The following MANBA variants were observed in gnomAD, a reference collection of about 807,000 sequenced individuals.
MANBA encodes mannosidase beta, also known as beta-mannosidase.
In MANBA, 83 loss-of-function variants were observed where a neutral mutation model predicts 111.1. The ratio of observed to expected loss-of-function variants is 0.75; its 90% CI spans 0.63 to 0.90. The LOEUF is 0.90. Ranked by LOEUF, MANBA falls within the 40% of genes least tolerant of loss-of-function variation. MANBA has a pLI of 0.00. For missense variants in MANBA, 1,036 were observed against 1,069.0 expected (o/e 0.97, Z 0.43); for synonymous variants, 370 against 378.7 (o/e 0.98, Z 0.27).
At chr4:102,655,372 A>C (rs573733051) in intron 12 of MANBA, among the ~76,000 whole-genome samples, 5 of 152,364 alleles carry the variant, frequency 3.3e-5, no homozygotes, top group African/African-American at 1.2e-4. Context: ...AATCTTGAAA[A>C]AAAGAACAAA....
rs1248667392 is a variant in MANBA, at chr4:102,727,571, A to G, written c.178-888T>C. 43 of 1,606,094 alleles carry G rather than the reference A, an allele frequency of 2.7e-5. No homozygotes were observed. The Middle Eastern group carries it at 1.2e-3, about 44-fold the overall frequency. ...ATTTCAAACTGATCACCTGGGGACG[A>G]GAGCAATGGGTAATTGAAGCTTTTG... is the stretch of plus-strand genomic sequence containing the variant. On this transcript the variant is annotated intron_variant, in intron 1 of 16. Coordinates refer to ENST00000647097, the MANE Select transcript of MANBA (RefSeq NM_005908.4).
chr4:102,749,382 G>C (rs1732329143), intron 1 of MANBA, among the ~76,000 whole-genome samples: 1 of 152,196 alleles, frequency 6.6e-6, no homozygotes, highest in Non-Finnish European at 1.5e-5. Flanking sequence ...AGAATTCCAA[G>C]AGACGGAGAA....
At chr4:102,712,555 C>T (rs1455649913) in intron 5 of MANBA, among the ~76,000 whole-genome samples, 2 of 149,660 alleles carry the variant, frequency 1.3e-5, no homozygotes, top group East Asian at 1.9e-4. Context: ...CATCTCGCTC[C>T]ATCACCCAGG....
chr4:102,632,643 A>G (rs1729443884), intron 16 of MANBA, among the ~76,000 whole-genome samples: 1 of 152,222 alleles, frequency 6.6e-6, no homozygotes, highest in Non-Finnish European at 1.5e-5. Context: ...CTAAGGATAT[A>G]TCTGGACCTA....
At chr4:102,713,081 C>T (rs1041994536) in intron 5 of MANBA, among the ~76,000 whole-genome samples, 1 of 152,162 alleles carries the variant, frequency 6.6e-6, no homozygotes, top group Non-Finnish European at 1.5e-5. Context: ...ACCAAATAAC[C>T]TCCTCAAATC....
rs1407687304 is a variant in MANBA, at chr4:102,723,894, T to C, written c.346A>G (p.Ile116Val). The change falls in exon 3 of 17, where the codon ATT (isoleucine) becomes GTT (valine). Residue 116 changes from isoleucine (I) to valine (V), a missense_variant. Coordinates refer to ENST00000647097, the MANE Select transcript of MANBA (RefSeq NM_005908.4). ...TTGAACATATTGTCTGTTTCCCCAA[T>C]AGTGACTTCATTGAACAGGATTTTT... ...VSKILFNEVT[I>V]GETDNMFNRY... is the part of the protein sequence containing the mutation. 2.5e-6 allele frequency: 4 copies of C among 1,608,178 alleles called. No homozygotes were observed. The East Asian group carries it at 6.7e-5, about 27-fold the overall frequency.
rs138652899 is a variant in MANBA, at chr4:102,712,118, G to A, written c.673+2320C>T. ...TAAATACTAGAGGTGATAGATACCC[G>A]AATTACCTTGACTTGATCATTACAC... On this transcript the variant is annotated intron_variant, in intron 5 of 16. Coordinates refer to ENST00000647097, the MANE Select transcript of MANBA (RefSeq NM_005908.4). Among the ~76,000 whole-genome samples the A allele has an allele frequency of 4.7e-3, 717 of 152,208 alleles. 6 individuals are homozygous for A. Among genetic ancestry groups the A allele is most frequent in the South Asian group, 0.024 (114 of 4,820 alleles).
intron 14 of MANBA, among the ~76,000 whole-genome samples, chr4:102,636,218 C>T (rs540132859): frequency 2.6e-5 from 4 of 152,302 alleles, no homozygotes; most frequent in Non-Finnish European, 5.9e-5. Context: ...CAGGCACTAA[C>T]GAACCAGGGC....
intron 5 of MANBA, among the ~76,000 whole-genome samples, chr4:102,705,188 C>T (rs1306565086): frequency 1.3e-5 from 2 of 152,142 alleles, no homozygotes; most frequent in African/African-American, 4.8e-5. Flanking sequence ...AAGTGAGTGG[C>T]CTCCAGTGGT....
At chr4:102,717,423 AC>A (rs1560794014) in intron 4 of MANBA, among the ~76,000 whole-genome samples, 1 of 148,344 alleles carries the variant, frequency 6.7e-6, no homozygotes, top group Non-Finnish European at 1.5e-5. Flanking sequence ...GCAGGCAGGA[AC>A]TTTTTTTTTT....
intron 5 of MANBA, among the ~76,000 whole-genome samples, chr4:102,709,129 CA>C (rs1395885706): frequency 6.7e-6 from 1 of 149,056 alleles, no homozygotes; most frequent in African/African-American, 2.5e-5. Flanking sequence ...CCAGCCTGGG[CA>C]ACATAGCAAG....
intron 1 of MANBA, among the ~76,000 whole-genome samples, chr4:102,759,126 ATTCT>A (rs201819051): frequency 0.015 from 2,178 of 142,220 alleles, 23 homozygotes; most frequent in Non-Finnish European, 0.023. Context: ...CATTGGCTTA[ATTCT>A]TTCTTTCTTT....
chr4:102,701,680 T>A (rs917035532), intron 5 of MANBA, among the ~76,000 whole-genome samples: 2 of 152,004 alleles, frequency 1.3e-5, no homozygotes, highest in Non-Finnish European at 2.9e-5. Flanking sequence ...GAATGTTGAA[T>A]ATTGGCCCCC....
intron 13 of MANBA, among the ~76,000 whole-genome samples, chr4:102,648,969 C>T (rs1730214740): frequency 6.6e-6 from 1 of 151,926 alleles, no homozygotes; most frequent in Admixed American, 6.6e-5. Context: ...CTATAATATA[C>T]TTAAATTTCA....
At position 102,631,329 on chromosome 4, in the gene MANBA, T is replaced by C. The variant is rs1729365965; in HGVS notation, c.*728A>G. 6.3e-6 allele frequency: 1 copy of C among 157,628 alleles called. No individual in the cohort carries two copies. The highest frequency in any genetic ancestry group is 1.4e-5 in the Non-Finnish European group (1 of 72,028). The allele number at this position is 157,628 out of a possible 1,614,324, so 9.8% of individuals were successfully genotyped here. On this transcript the variant is annotated 3_prime_UTR_variant, in exon 17 of 17. Transcript: ENST00000647097. The stretch of plus-strand genomic sequence containing the variant: ...TTCTATAACCAATTACATGACTGTT[T>C]CCAGAGAAAACCTTTCACATGTCTT...
chr4:102,673,017 T>G (rs1174100307), intron 8 of MANBA, among the ~76,000 whole-genome samples: 1 of 152,092 alleles, frequency 6.6e-6, no homozygotes, highest in Non-Finnish European at 1.5e-5. Flanking sequence ...TAGCACAATT[T>G]TTTTAACCTA....
chr4:102,750,517 A>G (rs1168075800), intron 1 of MANBA, among the ~76,000 whole-genome samples: 1 of 152,128 alleles, frequency 6.6e-6, no homozygotes, highest in Non-Finnish European at 1.5e-5. Flanking sequence ...ACAAGTCATA[A>G]TGGTTCTGTG....
chr4:102,639,842 A>T lies in MANBA; in HGVS notation c.1885T>A (p.Cys629Ser). 6.2e-7 allele frequency: 1 copy of T among 1,614,062 alleles called. No individual in the cohort carries two copies. Among genetic ancestry groups the T allele is most frequent in the Non-Finnish European group, 8.5e-7 (1 of 1,179,988 alleles). ...IYLTQVMQAQ[C>S]VKTETEFYRR... is the part of the protein sequence containing the mutation. ...TAGAATTCAGTTTCTGTTTTGACACACTGGGCCTGCATCACCTGATTCAGG... is the reference window on the plus strand; with the variant it reads ...TAGAATTCAGTTTCTGTTTTGACACTCTGGGCCTGCATCACCTGATTCAGG... Residue 629 changes from cysteine (C) to serine (S), a missense_variant, in exon 14 of 17, where the codon TGT (cysteine) becomes AGT (serine). Coordinates refer to ENST00000647097, the MANE Select transcript of MANBA (RefSeq NM_005908.4).
In MANBA at chr4:102,710,237, A is replaced by G. The variant is rs149120898; in HGVS notation, c.673+4201T>C. ...GTAAAATTATTCCTCTTTGCAGATG[A>G]CATGCTCTTACATCTGCAAAAACTT... On this transcript the variant is annotated intron_variant, in intron 5 of 16. Coordinates refer to ENST00000647097, the MANE Select transcript of MANBA (RefSeq NM_005908.4). Among the ~76,000 whole-genome samples the G allele has an allele frequency of 7.4e-4, 112 of 152,304 alleles. 1 individual carries two copies. Among genetic ancestry groups the G allele is most frequent in the African/African-American group, 2.6e-3 (109 of 41,582 alleles).
Sources: gnomAD v4.1 joint callset for allele counts (sites outside exome capture counted in the v4.1 genomes callset) on GRCh38, gnomAD v4.1.1 for gene constraint, MANE v1.5 for transcripts, NCBI Gene and HGNC (gene_info 2026-07-23, HGNC 2026-07-21) for gene names.